The following HORMAD2 variants were observed in gnomAD, a reference collection of about 807,000 sequenced individuals.
The protein encoded by HORMAD2 is HORMA domain containing 2, also known as HORMA domain-containing protein 2.
Under a neutral mutation model 38.8 loss-of-function variants are expected in HORMAD2, and 45 were observed. That is an observed-to-expected ratio of 1.16 (90% CI 0.91 to 1.49). The LOEUF (loss-of-function observed/expected upper bound fraction) is 1.49, where lower values mean the gene tolerates loss of function less well. Among genes scored for constraint, HORMAD2 ranks in the 40% most tolerant of loss-of-function variants. The pLI, the probability that HORMAD2 is intolerant of heterozygous loss-of-function variation, is 0.00. For missense variants in HORMAD2, 338 were observed against 367.0 expected, an observed-to-expected ratio of 0.92 and a Z score of 0.65; for synonymous variants, 126 against 122.8, an observed-to-expected ratio of 1.03 and a Z score of -0.17.
At chr22:30,160,389 T>G (rs1925369717) in intron 10 of HORMAD2, among the ~76,000 whole-genome samples, 2 of 152,060 alleles carry the variant, frequency 1.3e-5, no homozygotes, top group African/African-American at 4.8e-5. Context: ...TGCAGTTAGT[T>G]CTGTTACTTG....
intron 10 of HORMAD2, among the ~76,000 whole-genome samples, chr22:30,125,430 G>A (rs1224347702): frequency 6.6e-6 from 1 of 151,500 alleles, no homozygotes; most frequent in Non-Finnish European, 1.5e-5. Context: ...GTTTCTCCAT[G>A]TTGGTCAGGG....
chr22:30,176,204 GT>G lies in HORMAD2; in HGVS notation c.*40del. On this transcript the variant is annotated 3_prime_UTR_variant, in exon 11 of 11. Coordinates refer to ENST00000336726, the MANE Select transcript of HORMAD2 (RefSeq NM_152510.4). ...TCCTTCTACATTTATTTTAAAATAA[GT>G]TTATTTTGTAAAAACATGCATAAAC... 1 of 1,319,720 alleles carries G rather than the reference GT, an allele frequency of 7.6e-7. No homozygotes were observed. Among genetic ancestry groups the G allele is most frequent in the Non-Finnish European group, 1.1e-6 (1 of 926,686 alleles). The allele number at this position is 1,319,720 out of a possible 1,614,324, so 81.8% of individuals were successfully genotyped here.
intron 5 of HORMAD2, among the ~76,000 whole-genome samples, chr22:30,107,645 GA>G (rs1318383254): frequency 6.6e-6 from 1 of 151,958 alleles, no homozygotes; most frequent in Non-Finnish European, 1.5e-5. Flanking sequence ...TGCTACTCGA[GA>G]GGCTGAGGCA....
upstream of HORMAD2, among the ~76,000 whole-genome samples, chr22:30,079,532 G>GTC (rs2068433109): frequency 6.6e-6 from 1 of 152,022 alleles, no homozygotes; most frequent in African/African-American, 2.4e-5. Context: ...TTGAGACAGG[G>GTC]TCTCCCTCTG....
intron 10 of HORMAD2, among the ~76,000 whole-genome samples, chr22:30,166,929 G>C (rs1361841951): frequency 6.6e-6 from 1 of 152,192 alleles, no homozygotes; most frequent in Non-Finnish European, 1.5e-5. Flanking sequence ...AATGTGGTAT[G>C]TTTGGAGGAT....
intron 10 of HORMAD2, among the ~76,000 whole-genome samples, chr22:30,169,871 ACCAACAT>A (rs1926005302): frequency 2.0e-5 from 3 of 152,264 alleles, no homozygotes; most frequent in African/African-American, 7.2e-5. Context: ...CCTTTACTGT[ACCAACAT>A]ATCAAGAAAG....
At chr22:30,202,935 A>C in the HORMAD2 span, among the ~76,000 whole-genome samples, 10 of 152,276 alleles carry the variant, frequency 6.6e-5, no homozygotes, top group South Asian at 2.1e-3. Flanking sequence ...CCACTCCCTG[A>C]GGTGGAGAAG....
chr22:30,185,398 T>A, the HORMAD2 span, among the ~76,000 whole-genome samples: 2,834 of 152,358 alleles, frequency 0.019, 87 homozygotes, highest in African/African-American at 0.064. Context: ...GAAGCTGTTT[T>A]TATTAATGAA....
At chr22:30,121,062 C>T (rs927260788) in intron 8 of HORMAD2, among the ~76,000 whole-genome samples, 11 of 152,056 alleles carry the variant, frequency 7.2e-5, no homozygotes, top group South Asian at 2.1e-4. Context: ...ATTATTTCAG[C>T]GGTGATATGG....
chr22:30,101,630 A>G (rs1763154469), intron 3 of HORMAD2, among the ~76,000 whole-genome samples: 1 of 151,954 alleles, frequency 6.6e-6, no homozygotes, highest in Admixed American at 6.6e-5. Flanking sequence ...TTGACTTGTC[A>G]CTAAAATAGG....
chr22:30,157,729 G>A (rs747501779), intron 10 of HORMAD2, among the ~76,000 whole-genome samples: 8 of 152,114 alleles, frequency 5.3e-5, no homozygotes, highest in Non-Finnish European at 1.2e-4. Context: ...CTAGAAGTTT[G>A]TAACTGAGAT....
chr22:30,125,781 A>G (rs11090598), intron 10 of HORMAD2, among the ~76,000 whole-genome samples: 32,102 of 152,102 alleles, frequency 0.21, 3,896 homozygotes, highest in Middle Eastern at 0.38. Flanking sequence ...TTTTAAATTC[A>G]AGAATAATAA....
intron 3 of HORMAD2, among the ~76,000 whole-genome samples, chr22:30,101,207 G>C (rs1335054628): frequency 2.6e-5 from 4 of 152,136 alleles, no homozygotes; most frequent in Admixed American, 6.6e-5. Flanking sequence ...TGATAGACTG[G>C]ATAAAGAAAA....
At chr22:30,165,721 C>T (rs1158754137) in intron 10 of HORMAD2, among the ~76,000 whole-genome samples, 2 of 151,984 alleles carry the variant, frequency 1.3e-5, no homozygotes, top group Non-Finnish European at 2.9e-5. Flanking sequence ...AACTTTTTCC[C>T]ATTTTATTGG....
At chr22:30,180,557 G>A (rs902216460), downstream of HORMAD2, among the ~76,000 whole-genome samples, 3 of 152,104 alleles carry the variant, frequency 2.0e-5, no homozygotes, top group African/African-American at 7.2e-5. Flanking sequence ...TTCTAGATAA[G>A]ATATTTCATC....
chr22:30,173,166 G>C (rs961838992), intron 10 of HORMAD2, among the ~76,000 whole-genome samples: 11 of 152,284 alleles, frequency 7.2e-5, no homozygotes, highest in African/African-American at 2.6e-4. Context: ...TAAGTGTGGG[G>C]GAAGATGGAG....
the HORMAD2 span, among the ~76,000 whole-genome samples, chr22:30,187,413 G>A: frequency 2.6e-5 from 4 of 151,978 alleles, no homozygotes; most frequent in South Asian, 4.1e-4. Flanking sequence ...TTTGCTATGA[G>A]TATAATATCT....
chr22:30,161,389 GTATC>G (rs1569116608), intron 10 of HORMAD2, among the ~76,000 whole-genome samples: 1 of 152,146 alleles, frequency 6.6e-6, no homozygotes, highest in Non-Finnish European at 1.5e-5. Flanking sequence ...TTCCAATTCT[GTATC>G]TATTATCTGT....
chr22:30,104,535 A>G (rs1299491892), intron 5 of HORMAD2, 98 bp downstream of exon 5: 14 of 970,356 alleles, frequency 1.4e-5, no homozygotes, highest in African/African-American at 1.7e-5. Flanking sequence ...GTTTAACAGT[A>G]TAAGTGTCTA....
Sources: gnomAD v4.1 joint callset for allele counts (sites outside exome capture counted in the v4.1 genomes callset) on GRCh38, gnomAD v4.1.1 for gene constraint, MANE v1.5 for transcripts, NCBI Gene and HGNC (gene_info 2026-07-23, HGNC 2026-07-21) for gene names.